Variants in ESS2 observed in about 807,000 individuals in gnomAD.
ESS2 encodes the protein ess-2 spliceosome associated protein.
ESS2 carries 31 observed loss-of-function variants against 52.0 expected under a neutral mutation model. The observed-to-expected ratio is 0.60, with a 90% CI of 0.45 to 0.81. The LOEUF is 0.81. ESS2 is among the 30% of genes least tolerant of loss of function. The probability of loss-of-function intolerance (pLI) is 0.00; values close to 1 mark genes in which losing one functional copy is unlikely to be tolerated. For missense variants in ESS2, 602 were observed against 637.2 expected, an observed-to-expected ratio of 0.94 and a Z score of 0.59; for synonymous variants, 285 against 259.2, an observed-to-expected ratio of 1.10 and a Z score of -0.95.
At chr22:19,141,903 T>C (rs1268001376) in intron 3 of ESS2, among the ~76,000 whole-genome samples, 2 of 152,024 alleles carry the variant, frequency 1.3e-5, no homozygotes, top group Non-Finnish European at 2.9e-5. Context: ...GCAGGGAGAA[T>C]TGCTTGAACC....
At chr22:19,137,997 A>G (rs957386733) in intron 7 of ESS2, 2 of 985,244 alleles carry the variant, frequency 2.0e-6, no homozygotes, top group African/African-American at 3.5e-5. Context: ...AGGATGTCTC[A>G]GGCCAGGTCT....
In ESS2 at chr22:19,133,751, G is replaced by C; in HGVS notation, c.*445C>G. 1 of 161,234 alleles carries C rather than the reference G, an allele frequency of 6.2e-6. No homozygotes were observed. Among genetic ancestry groups the C allele is most frequent in the Non-Finnish European group, 1.3e-5 (1 of 74,534 alleles). The allele number at this position is 161,234 out of a possible 1,614,324, so 10.0% of individuals were successfully genotyped here. A position where few individuals can be genotyped will look rare whatever the true frequency, so the allele number is the denominator to read the frequency against. Reference sequence around the variant, plus strand: ...CACTGCAGGATGTGAGCTCAACTCAGAACACAGGTTCCGAGTGCCGCAGAA... The same window carrying C: ...CACTGCAGGATGTGAGCTCAACTCACAACACAGGTTCCGAGTGCCGCAGAA... On this transcript the variant is annotated 3_prime_UTR_variant, in exon 10 of 10. Coordinates refer to ENST00000252137, the MANE Select transcript of ESS2 (RefSeq NM_022719.3).
At chr22:19,136,226 G>A (rs1347950373) in intron 8 of ESS2, among the ~76,000 whole-genome samples, 1 of 151,452 alleles carries the variant, frequency 6.6e-6, no homozygotes, top group Non-Finnish European at 1.5e-5. Context: ...GCCGGGCGTG[G>A]TGGCACGCGC....
At chr22:19,143,065 C>T (rs542865534) in intron 1 of ESS2, among the ~76,000 whole-genome samples, 171 bp from the exon 2 acceptor site, 5 of 151,896 alleles carry the variant, frequency 3.3e-5, no homozygotes, top group Admixed American at 6.6e-5. Context: ...ATTAGCCGGG[C>T]GTGGTGGCAG....
At chr22:19,142,507 C>A in intron 3 of ESS2, 31 bp downstream of exon 3, 1 of 1,564,030 alleles carries the variant, frequency 6.4e-7, no homozygotes, top group South Asian at 1.2e-5. Context: ...CAATCCTGAC[C>A]ATGTGACTTA....
intron 3 of ESS2, among the ~76,000 whole-genome samples, chr22:19,141,920 G>A (rs1363066942): frequency 4.6e-5 from 7 of 152,188 alleles, no homozygotes; most frequent in Non-Finnish European, 1.0e-4. Flanking sequence ...AACCTGGGAG[G>A]TGGAGGTTGC....
chr22:19,139,401 G>A, intron 5 of ESS2, 109 bp from the exon 6 acceptor site: 11 of 1,454,956 alleles, frequency 7.6e-6, no homozygotes, highest in Non-Finnish European at 9.2e-6. Context: ...AAAGCATTGA[G>A]CAGAACGCAG....
chr22:19,136,947 G>A (rs1475497527), intron 8 of ESS2, among the ~76,000 whole-genome samples: 1 of 152,134 alleles, frequency 6.6e-6, no homozygotes, highest in Non-Finnish European at 1.5e-5. Flanking sequence ...GTGTAATCCA[G>A]CGTGTCCCAA....
At position 19,131,219 on chromosome 22, in the gene ESS2, G is replaced by A; in HGVS notation, c.*2977C>T. On this transcript the variant is annotated 3_prime_UTR_variant, in exon 10 of 10. Transcript: ENST00000252137. This position sits in a 1 kb window ranked among gnomAD's most constrained non-coding sequence, Gnocchi z 5.7. ...AGCCCAGTCCCCGCCCCCACTCCTT[G>A]GCTTTATGAGTTCATTGGCTGAAGT... 1.7e-6 allele frequency: 1 copy of A among 601,324 alleles called. No individual in the cohort carries two copies. Among genetic ancestry groups the A allele is most frequent in the Non-Finnish European group, 3.0e-6 (1 of 338,786 alleles). 37.2% of individuals were successfully genotyped at this position (601,324 alleles called of 1,614,324 possible).
rs765237389 is a variant in ESS2 at position 19,134,317 on chromosome 22, G to T, written c.1310C>A (p.Thr437Asn). ...GCCAGGCGCCGGTGTGCTTGTGGGGGTCTGCAGCCCACTGGCCGGGGTCTT... is the reference window on the plus strand; with the variant it reads ...GCCAGGCGCCGGTGTGCTTGTGGGGTTCTGCAGCCCACTGGCCGGGGTCTT... Reference protein sequence around the residue: ...HLKTPASGLQTPTSTPAPGSA... With the variant: ...HLKTPASGLQNPTSTPAPGSA... The change falls in exon 10 of 10, where the codon ACC becomes AAC. Residue 437 changes from threonine (T) to asparagine (N), a missense_variant. Coordinates refer to ENST00000252137, the MANE Select transcript of ESS2 (RefSeq NM_022719.3). The T allele has an allele frequency of 6.2e-7, 1 of 1,609,772 alleles. No individual in the cohort carries two copies. Among genetic ancestry groups the T allele is most frequent in the Non-Finnish European group, 8.5e-7 (1 of 1,177,886 alleles).
At chr22:19,144,350 C>T in intron 1 of ESS2, 156 bp downstream of exon 1, 1 of 1,469,264 alleles carries the variant, frequency 6.8e-7, no homozygotes, top group East Asian at 2.6e-5. Context: ...CAGACGTCTT[C>T]CTCTGCCCTG....
chr22:19,137,007 A>T (rs2083593683), intron 8 of ESS2, among the ~76,000 whole-genome samples: 2 of 152,054 alleles, frequency 1.3e-5, no homozygotes, highest in South Asian at 4.1e-4. Flanking sequence ...GCCTCGTCCT[A>T]TGGCCCTCAG....
In ESS2 at chr22:19,132,532, G is replaced by C; in HGVS notation, c.*1664C>G. ...GGTCGGGGTTGGGGGGCATGGTGCA[G>C]TCGGCCTTCACGTAAACTAAGTAGG... is the stretch of plus-strand genomic sequence containing the variant. On this transcript the variant is annotated 3_prime_UTR_variant, in exon 10 of 10. Coordinates refer to ENST00000252137, the MANE Select transcript of ESS2 (RefSeq NM_022719.3). The surrounding 1 kb of genome is among the most constrained non-coding windows in gnomAD (Gnocchi z 4.2). 1 of 1,522,890 alleles carries C rather than the reference G, an allele frequency of 6.6e-7. No individual in the cohort carries two copies. Among genetic ancestry groups the C allele is most frequent in the Non-Finnish European group, 8.9e-7 (1 of 1,126,794 alleles). The allele number at this position is 1,522,890 out of a possible 1,614,324, so 94.3% of individuals were successfully genotyped here.
Position 19,142,757 on chromosome 22 carries a change from C to CCTT in ESS2, c.272_273insAAG (p.Leu91_Gly92insArg), listed in dbSNP as rs1288826137. ...GCGGGGGCTCCCGGGACATCTTGCC[C>CCTT]AAGGCAGAGCCAAACTTGATGGCAA... On this transcript the variant is annotated inframe_insertion, in exon 2 of 10. Transcript: ENST00000252137. 2.5e-6 allele frequency: 4 copies of CCTT among 1,614,002 alleles called. No homozygotes were observed. The highest frequency in any genetic ancestry group is 3.4e-6 in the Non-Finnish European group (4 of 1,180,012).
rs541336032 is a variant in ESS2 at position 19,130,482 on chromosome 22, C to T, written c.*3714G>A. 3.1e-5 allele frequency: 10 copies of T among 319,540 alleles called. No individual in the cohort carries two copies. Among genetic ancestry groups the T allele is most frequent in the Non-Finnish European group, 5.4e-5 (9 of 167,502 alleles). 19.8% of individuals were successfully genotyped at this position (319,540 alleles called of 1,614,324 possible). A position where few individuals can be genotyped will look rare whatever the true frequency, so the allele number is the denominator to read the frequency against. ...AGGTCAGAGGCAAAAAAAATGCTTG[C>T]TAAGTCCGATTAAAAGGGGCCCAGT... On this transcript the variant is annotated 3_prime_UTR_variant, in exon 10 of 10. Coordinates refer to ENST00000252137, the MANE Select transcript of ESS2 (RefSeq NM_022719.3).
rs2083506220 is a variant in ESS2 at position 19,131,503 on chromosome 22, A to G, written c.*2693T>C. 1 of 1,614,156 alleles carries G rather than the reference A, an allele frequency of 6.2e-7. No homozygotes were observed. The highest frequency in any genetic ancestry group is 1.7e-5 in the Admixed American group (1 of 60,026). On this transcript the variant is annotated 3_prime_UTR_variant, in exon 10 of 10. Transcript: ENST00000252137. This position sits in a 1 kb window ranked among gnomAD's most constrained non-coding sequence, Gnocchi z 5.7. The stretch of plus-strand genomic sequence containing the variant: ...AAATCTGCCTACTCTGAGCGCCTCA[A>G]GTTCAATGTGGCTGTCAAGATCATC...
At chr22:19,143,975 G>A (rs968237952) in intron 1 of ESS2, 1 of 947,708 alleles carries the variant, frequency 1.1e-6, no homozygotes, top group Non-Finnish European at 1.3e-6. Flanking sequence ...TGCATATCTG[G>A]GCACCCAACC....
intron 5 of ESS2, 50 bp downstream of exon 5, chr22:19,139,562 C>T (rs766923410): frequency 7.1e-6 from 11 of 1,551,698 alleles, no homozygotes; most frequent in African/African-American, 1.4e-5. Context: ...GCCAGACACA[C>T]ACAGCTCTAC....
chr22:19,134,846 G>A (rs1004245807), intron 9 of ESS2, among the ~76,000 whole-genome samples: 2 of 152,180 alleles, frequency 1.3e-5, no homozygotes, highest in African/African-American at 4.8e-5. Context: ...CAAAGAGGAC[G>A]TGGAGGAAAG....
Sources: allele counts gnomAD v4.1 joint callset (sites outside exome capture counted in the v4.1 genomes callset), GRCh38; gene constraint gnomAD v4.1.1; non-coding constraint Gnocchi (gnomAD v3.1); transcripts MANE v1.5; gene names NCBI Gene and HGNC (gene_info 2026-07-23, HGNC 2026-07-21).